Variants in LRRC4C observed in about 807,000 individuals in gnomAD.
LRRC4C encodes leucine rich repeat containing 4C.
A neutral mutation model predicts 33.6 loss-of-function variants in LRRC4C; 5 were observed. The observed-to-expected ratio is 0.15, with a 90% CI of 0.08 to 0.31. LRRC4C has a LOEUF of 0.31. Ranked by LOEUF, LRRC4C falls within the 10% of genes least tolerant of loss-of-function variation. LRRC4C has a pLI of 1.00. For synonymous variants in LRRC4C, 329 were observed against 302.0 expected, an observed-to-expected ratio of 1.09 and a Z score of -0.93; for missense variants, 560 against 796.7, an observed-to-expected ratio of 0.70 and a Z score of 3.58.
chr11:41,043,640 TAA>T (rs35604848), intron 1 of LRRC4C, among the ~76,000 whole-genome samples: 16 of 149,494 alleles, frequency 1.1e-4, no homozygotes, highest in Middle Eastern at 3.5e-3. Context: ...AACCAAGGCA[TAA>T]AAAAAAAAAT....
At chr11:40,262,593 C>A (rs1447237529) in intron 4 of LRRC4C, among the ~76,000 whole-genome samples, 2 of 152,114 alleles carry the variant, frequency 1.3e-5, no homozygotes, top group Non-Finnish European at 2.9e-5. Context: ...AAATGCCCAT[C>A]AATGATAGAC....
intron 2 of LRRC4C, among the ~76,000 whole-genome samples, chr11:40,907,718 AT>A (rs1229666995): frequency 1.3e-5 from 2 of 152,162 alleles, no homozygotes; most frequent in African/African-American, 4.8e-5. Context: ...GTGAAAACAC[AT>A]TATTCAATGT....
chr11:40,826,538 C>T (rs1489743597), intron 2 of LRRC4C, among the ~76,000 whole-genome samples: 2 of 151,930 alleles, frequency 1.3e-5, no homozygotes, highest in East Asian at 1.9e-4. Context: ...AGAAAACGCA[C>T]GTCTTTTGCT....
At chr11:40,771,129 G>T (rs1435837852) in intron 2 of LRRC4C, among the ~76,000 whole-genome samples, 1 of 152,182 alleles carries the variant, frequency 6.6e-6, no homozygotes, top group Non-Finnish European at 1.5e-5. Flanking sequence ...CCTTGCTCCT[G>T]CAGCAAACTA....
At chr11:41,005,325 T>C (rs1854664344) in intron 1 of LRRC4C, among the ~76,000 whole-genome samples, 1 of 152,244 alleles carries the variant, frequency 6.6e-6, no homozygotes, top group South Asian at 2.1e-4. Flanking sequence ...CGCCCCTGGC[T>C]GGGCGTGATG....
chr11:40,305,617 A>T (rs1056424688), intron 4 of LRRC4C, among the ~76,000 whole-genome samples: 17 of 152,120 alleles, frequency 1.1e-4, no homozygotes, highest in African/African-American at 2.4e-5. Context: ...TACAAAAAAA[A>T]AAAAAAGGAA....
intron 1 of LRRC4C, among the ~76,000 whole-genome samples, chr11:41,424,574 A>T (rs1954975441): frequency 6.6e-6 from 1 of 152,068 alleles, no homozygotes; most frequent in African/African-American, 2.4e-5. Flanking sequence ...TCAGGATGAC[A>T]TGGTTTGTGG....
At chr11:40,250,272 T>A (rs1254140154) in intron 4 of LRRC4C, among the ~76,000 whole-genome samples, 1 of 152,180 alleles carries the variant, frequency 6.6e-6, no homozygotes, top group African/African-American at 2.4e-5. Context: ...CTTGTAACTA[T>A]GCATTAAGCT....
chr11:40,210,348 T>C (rs1863503381), intron 5 of LRRC4C, among the ~76,000 whole-genome samples: 1 of 152,192 alleles, frequency 6.6e-6, no homozygotes, highest in South Asian at 2.1e-4. Context: ...CTCAAATCTA[T>C]AGAAAGTAAA....
At position 40,293,053 on chromosome 11, in the gene LRRC4C, C is replaced by G. The variant is rs146569915; in HGVS notation, c.-176+26575G>C. The G allele has an allele frequency of 6.4e-3, 981 of 152,300 alleles. 12 individuals carry two copies. Among genetic ancestry groups the G allele is most frequent in the African/African-American group, 0.023 (944 of 41,496 alleles). 9.4% of individuals were successfully genotyped at this position (152,300 alleles called of 1,614,324 possible). ...TCGCCAAAGATCTGATTAGATTTCT[C>G]ATCACAACCCAGTGCGCAATTGAAT... On this transcript the variant is annotated intron_variant, in intron 4 of 6. Coordinates refer to ENST00000528697, the MANE Select transcript of LRRC4C (RefSeq NM_001258419.2).
At chr11:40,494,032 C>T (rs1321883006) in intron 3 of LRRC4C, among the ~76,000 whole-genome samples, 1 of 152,008 alleles carries the variant, frequency 6.6e-6, no homozygotes, top group Admixed American at 6.6e-5. Context: ...TCTCTATCCC[C>T]GCTAAGCCAC....
intron 2 of LRRC4C, among the ~76,000 whole-genome samples, chr11:40,716,905 G>T (rs1946752736): frequency 6.6e-6 from 1 of 152,170 alleles, no homozygotes; most frequent in East Asian, 1.9e-4. Flanking sequence ...GCTTGGCTGT[G>T]TCTGCCAACA....
intron 4 of LRRC4C, among the ~76,000 whole-genome samples, chr11:40,289,830 A>G (rs1944073049): frequency 1.3e-5 from 2 of 152,266 alleles, no homozygotes; most frequent in South Asian, 4.1e-4. Context: ...AGATTTGCAA[A>G]TGTTTAAGTG....
intron 1 of LRRC4C, among the ~76,000 whole-genome samples, chr11:40,992,208 T>C (rs933619161): frequency 6.6e-6 from 1 of 152,128 alleles, no homozygotes; most frequent in East Asian, 1.9e-4. Flanking sequence ...AACTGACTGA[T>C]GAGAATATAT....
At chr11:40,313,065 T>A (rs952888620) in intron 4 of LRRC4C, among the ~76,000 whole-genome samples, 1 of 152,152 alleles carries the variant, frequency 6.6e-6, no homozygotes, top group African/African-American at 2.4e-5. Context: ...AATATATTAT[T>A]GCCTGTCCCT....
intron 1 of LRRC4C, among the ~76,000 whole-genome samples, chr11:41,100,258 G>A (rs1365620366): frequency 6.6e-6 from 1 of 152,108 alleles, no homozygotes; most frequent in Non-Finnish European, 1.5e-5. Flanking sequence ...CTCATGGAGA[G>A]GGAGAATCAG....
chr11:40,386,983 T>C (rs565041175), intron 3 of LRRC4C, among the ~76,000 whole-genome samples: 1 of 152,190 alleles, frequency 6.6e-6, no homozygotes, highest in South Asian at 2.1e-4. Context: ...ACTGATATGA[T>C]TTAATTTGCA....
intron 3 of LRRC4C, among the ~76,000 whole-genome samples, chr11:40,475,784 C>T (rs1429313503): frequency 5.3e-5 from 8 of 152,048 alleles, no homozygotes; most frequent in Non-Finnish European, 7.4e-5. Context: ...CTTATCAGAA[C>T]GCCACTCCTA....
At chr11:40,934,030 A>G (rs1450496075) in intron 1 of LRRC4C, among the ~76,000 whole-genome samples, 1 of 152,144 alleles carries the variant, frequency 6.6e-6, no homozygotes, top group East Asian at 1.9e-4. Context: ...CAAAGGAAAA[A>G]AGGCATATCT....
Sources: gnomAD v4.1 joint callset for allele counts (sites outside exome capture counted in the v4.1 genomes callset) on GRCh38, gnomAD v4.1.1 for gene constraint, MANE v1.5 for transcripts, NCBI Gene and HGNC (gene_info 2026-07-23, HGNC 2026-07-21) for gene names.